KIRREL3: variants seen among roughly 807,000 people sequenced by gnomAD.
KIRREL3 encodes the protein kin of IRRE-like protein 3.
A neutral mutation model predicts 89.7 loss-of-function variants in KIRREL3; 36 were observed. That is an observed-to-expected ratio of 0.40 (90% confidence interval 0.31 to 0.53). KIRREL3 has a LOEUF of 0.53. Ranked by LOEUF, KIRREL3 falls within the 20% of genes least tolerant of loss-of-function variation. The pLI is 0.49. For missense variants in KIRREL3, 864 were observed against 1,056.6 expected, an observed-to-expected ratio of 0.82 and a Z score of 2.53; for synonymous variants, 445 against 441.4, an observed-to-expected ratio of 1.01 and a Z score of -0.10.
intron 1 of KIRREL3, among the ~76,000 whole-genome samples, chr11:126,757,225 G>T (rs1949533232): frequency 6.6e-6 from 1 of 151,740 alleles, no homozygotes; most frequent in South Asian, 2.1e-4. Context: ...GCTACATAAA[G>T]GCACAATGTT....
chr11:126,981,581 G>A lies in KIRREL3; in HGVS notation c.55+18874C>T, dbSNP rs7940156. On this transcript the variant is annotated intron_variant, in intron 1 of 16. Transcript: ENST00000525144. The surrounding 1 kb of genome is among the most constrained non-coding windows in gnomAD (Gnocchi z 4.2). The stretch of plus-strand genomic sequence containing the variant: ...GACTCTATGAAGCAAAGGCAAGGAG[G>A]TATTTCTTAATCTGAGAAGACATCT... Among the ~76,000 whole-genome samples, 2,268 of 152,328 alleles carry A rather than the reference G, an allele frequency of 0.015. 49 individuals are homozygous for A. Among genetic ancestry groups the A allele is most frequent in the African/African-American group, 0.051 (2,121 of 41,560 alleles).
intron 1 of KIRREL3, among the ~76,000 whole-genome samples, chr11:126,815,182 T>C (rs1218140521): frequency 6.6e-6 from 1 of 152,164 alleles, no homozygotes; most frequent in Non-Finnish European, 1.5e-5. Context: ...TGAGGAGCAA[T>C]TAGCTTTTAC....
At position 126,678,599 on chromosome 11, in the gene KIRREL3, C is replaced by CAAAAAAAAAAAAAAAAAA; in HGVS notation, c.56-115705_56-115688dup. 4.8e-4 allele frequency among the ~76,000 whole-genome samples: 24 copies of CAAAAAAAAAAAAAAAAAA among 50,042 alleles called. 1 individual carries two copies. Among genetic ancestry groups the CAAAAAAAAAAAAAAAAAA allele is most frequent in the Admixed American group, 6.9e-4 (2 of 2,912 alleles). The allele number at this position is 50,042 out of a possible 152,430, so 32.8% of individuals were successfully genotyped here. ...TGGGCGATAGAGCAAGACTCTGTCTCAAAAAAAAAAAAAAAAAAAAAAAAA... is the reference window on the plus strand; with the variant it reads ...TGGGCGATAGAGCAAGACTCTGTCTCAAAAAAAAAAAAAAAAAAAAAAAAAAAAAAAAAAAAAAAAAAA... On this transcript the variant is annotated intron_variant, in intron 1 of 16. Transcript: ENST00000525144.
intron 1 of KIRREL3, among the ~76,000 whole-genome samples, chr11:126,726,373 C>CT (rs141275304): frequency 0.075 from 11,430 of 151,886 alleles, 662 homozygotes; most frequent in African/African-American, 0.16. Flanking sequence ...AAGATGCCTC[C>CT]TTTTTTTCTT....
At position 126,645,985 on chromosome 11, in the gene KIRREL3, C is replaced by T. The variant is rs140845322; in HGVS notation, c.56-83073G>A. ...CATAGGCGGCACTCGGAATGATGTA[C>T]GAGTACTCTTGTCCTCAAAATGATT... On this transcript the variant is annotated intron_variant, in intron 1 of 16. Coordinates refer to ENST00000525144, the MANE Select transcript of KIRREL3 (RefSeq NM_032531.4). This position sits in a 1 kb window ranked among gnomAD's most constrained non-coding sequence, Gnocchi z 4.9. 3.9e-5 allele frequency among the ~76,000 whole-genome samples: 6 copies of T among 152,310 alleles called. No homozygotes were observed. Among genetic ancestry groups the T allele is most frequent in the East Asian group, 3.9e-4 (2 of 5,190 alleles).
rs1951186473 is a variant in KIRREL3 at position 126,805,827 on chromosome 11, A to G, written c.55+194628T>C. Among the ~76,000 whole-genome samples, 1 of 152,156 alleles carries G rather than the reference A, an allele frequency of 6.6e-6. No individual in the cohort carries two copies. Among genetic ancestry groups the G allele is most frequent in the African/African-American group, 2.4e-5 (1 of 41,436 alleles). On this transcript the variant is annotated intron_variant, in intron 1 of 16. Coordinates refer to ENST00000525144, the MANE Select transcript of KIRREL3 (RefSeq NM_032531.4). This position sits in a 1 kb window ranked among gnomAD's most constrained non-coding sequence, Gnocchi z 4.3. ...CACGGTTTTCCTGCTCAGCTTATTC[A>G]TCCAAGTTCCCACTCAGCCCCCAGC...
At chr11:126,899,014 G>GA (rs1036670375) in intron 1 of KIRREL3, among the ~76,000 whole-genome samples, 50 of 151,148 alleles carry the variant, frequency 3.3e-4, no homozygotes, top group African/African-American at 1.1e-3. Flanking sequence ...GAGTTTGGGG[G>GA]GGGTCTCTCG....
Position 126,997,961 on chromosome 11 carries a change from G to A in KIRREL3, c.55+2494C>T, listed in dbSNP as rs1279727322. Among the ~76,000 whole-genome samples, 1 of 152,180 alleles carries A rather than the reference G, an allele frequency of 6.6e-6. No individual in the cohort carries two copies. Among genetic ancestry groups the A allele is most frequent in the Non-Finnish European group, 1.5e-5 (1 of 68,042 alleles). On this transcript the variant is annotated intron_variant, in intron 1 of 16. Transcript: ENST00000525144. The surrounding 1 kb of genome is among the most constrained non-coding windows in gnomAD (Gnocchi z 4.3). The stretch of plus-strand genomic sequence containing the variant: ...GGGAGAGGCATCCCAGCATGCAGGA[G>A]GCAGGGGTCAAGCAGGTGGCTGTGT...
intron 1 of KIRREL3, among the ~76,000 whole-genome samples, chr11:126,779,973 G>T (rs1950277606): frequency 6.6e-6 from 1 of 152,150 alleles, no homozygotes; most frequent in Admixed American, 6.5e-5. Flanking sequence ...AGAGCCCACG[G>T]GAGCATCTAG....
Position 126,463,369 on chromosome 11 carries a change from G to A in KIRREL3, c.592-62C>T. On this transcript the variant is annotated intron_variant, in intron 5 of 16. Transcript: ENST00000525144. The surrounding 1 kb of genome is among the most constrained non-coding windows in gnomAD (Gnocchi z 5.9). ...TCGCTTGGCTGGGGTGGCCAGCCTGGGTTGGGGGTAAACGAGCACCAGCTT... is the reference window on the plus strand; with the variant it reads ...TCGCTTGGCTGGGGTGGCCAGCCTGAGTTGGGGGTAAACGAGCACCAGCTT... 4.5e-6 allele frequency: 7 copies of A among 1,542,474 alleles called. No homozygotes were observed. Among genetic ancestry groups the A allele is most frequent in the Non-Finnish European group, 4.4e-6 (5 of 1,131,292 alleles).
intron 7 of KIRREL3, among the ~76,000 whole-genome samples, chr11:126,449,511 C>G (rs1377639056): frequency 6.6e-6 from 1 of 152,200 alleles, no homozygotes; most frequent in Non-Finnish European, 1.5e-5. Flanking sequence ...GCAGACAGCT[C>G]GCTGTCCTGC....
chr11:126,526,561 A>T lies in KIRREL3; in HGVS notation c.260T>A (p.Leu87Gln). 1.2e-6 allele frequency: 2 copies of T among 1,613,382 alleles called. No homozygotes were observed. The highest frequency in any genetic ancestry group is 1.7e-6 in the Non-Finnish European group (2 of 1,179,654). The part of the protein sequence containing the change: ...FVLWIKDGLA[L>Q]GVGRDLSSYP... ...ACTTGAGAGGTCCCTGCCCACACCC[A>T]GAGCCAAGCCGTCCTTGATCCACAG... The change falls in exon 3 of 17, where the codon CTG (leucine) becomes CAG (glutamine). Residue 87 changes from leucine (L) to glutamine (Q), a missense_variant. Physicochemically the swap from Leu to Gln is moderately radical, Grantham distance 113 (BLOSUM62 -2). Transcript: ENST00000525144. The surrounding 1 kb of genome is among the most constrained non-coding windows in gnomAD (Gnocchi z 5.7).
intron 1 of KIRREL3, among the ~76,000 whole-genome samples, chr11:126,667,840 G>T (rs899193548): frequency 6.6e-6 from 1 of 152,202 alleles, no homozygotes; most frequent in Non-Finnish European, 1.5e-5. Context: ...TCTGAAAGCT[G>T]CACAAAAGGC....
At position 126,724,481 on chromosome 11, in the gene KIRREL3, A is replaced by T. The variant is rs1225207794; in HGVS notation, c.56-161569T>A. Among the ~76,000 whole-genome samples, 1 of 152,138 alleles carries T rather than the reference A, an allele frequency of 6.6e-6. No individual in the cohort carries two copies. Among genetic ancestry groups the T allele is most frequent in the Non-Finnish European group, 1.5e-5 (1 of 68,010 alleles). ...GTTCGGAGCCATGTCACTCCCTATCAGCCCTCTCCAAACATCCAGGCAGGA... is the reference window on the plus strand; with the variant it reads ...GTTCGGAGCCATGTCACTCCCTATCTGCCCTCTCCAAACATCCAGGCAGGA... On this transcript the variant is annotated intron_variant, in intron 1 of 16. Transcript: ENST00000525144. This position sits in a 1 kb window ranked among gnomAD's most constrained non-coding sequence, Gnocchi z 4.3.
At chr11:126,518,398 A>AC (rs1160617170) in intron 4 of KIRREL3, among the ~76,000 whole-genome samples, 4 of 151,914 alleles carry the variant, frequency 2.6e-5, no homozygotes, top group Non-Finnish European at 5.9e-5. Context: ...TCGATGGAAG[A>AC]CCCCCGGGGG....
chr11:126,716,735 A>G (rs1592010110), intron 1 of KIRREL3, among the ~76,000 whole-genome samples: 1 of 50,290 alleles, frequency 2.0e-5, no homozygotes, highest in Non-Finnish European at 3.4e-5. Context: ...TGTGAGTGTG[A>G]GTGTGTGTGT....
intron 4 of KIRREL3, among the ~76,000 whole-genome samples, chr11:126,481,647 C>CCCTCTGAAGTATCGCTCAGATTTGTCT (rs1957221959): frequency 6.6e-6 from 1 of 152,230 alleles, no homozygotes; most frequent in Non-Finnish European, 1.5e-5. Flanking sequence ...GCCTGGTTAA[C>CCCTCTGAAGTATCGCTCAGATTTGTCT]CCTCTGAAGT....
At chr11:126,442,610 C>T (rs560621811) in intron 10 of KIRREL3, among the ~76,000 whole-genome samples, 33 of 152,310 alleles carry the variant, frequency 2.2e-4, no homozygotes, top group African/African-American at 4.3e-4. Flanking sequence ...TGGGATTTGT[C>T]GCGATAAAAA....
Position 126,578,376 on chromosome 11 carries a change from G to A in KIRREL3, c.56-15464C>T, listed in dbSNP as rs560202608. Reference sequence around the variant, plus strand: ...GGCAAAATGGGAATTCATTGGAAGAGATCCTTGGTTCACACGCTAGGAAAG... The same window carrying A: ...GGCAAAATGGGAATTCATTGGAAGAAATCCTTGGTTCACACGCTAGGAAAG... On this transcript the variant is annotated intron_variant, in intron 1 of 16. Coordinates refer to ENST00000525144, the MANE Select transcript of KIRREL3 (RefSeq NM_032531.4). This position sits in a 1 kb window ranked among gnomAD's most constrained non-coding sequence, Gnocchi z 4.9. Among the ~76,000 whole-genome samples the A allele has an allele frequency of 5.3e-5, 8 of 152,308 alleles. No homozygotes were observed. The East Asian group carries it at 1.5e-3, about 29-fold the overall frequency.
Sources: allele counts gnomAD v4.1 joint callset (sites outside exome capture counted in the v4.1 genomes callset), GRCh38; gene constraint gnomAD v4.1.1; non-coding constraint Gnocchi (gnomAD v3.1); transcripts MANE v1.5; gene names NCBI Gene and HGNC (gene_info 2026-07-23, HGNC 2026-07-21).